NELL1: variants seen among roughly 807,000 people sequenced by gnomAD.
NELL1 encodes the protein neural EGFL like 1.
Under a neutral mutation model 107.4 loss-of-function variants are expected in NELL1, and 76 were observed. The observed-to-expected ratio is 0.71, with a 90% CI of 0.59 to 0.86. The LOEUF (loss-of-function observed/expected upper bound fraction) is 0.86. Ranked by LOEUF, NELL1 falls within the 40% of genes least tolerant of loss-of-function variation. The pLI, the probability that NELL1 is intolerant of heterozygous loss-of-function variation, is 0.00. For synonymous variants in NELL1, 353 were observed against 341.2 expected (o/e 1.03, Z -0.38); for missense variants, 1,024 against 1,005.5 (o/e 1.02, Z -0.25).
intron 12 of NELL1, among the ~76,000 whole-genome samples, chr11:21,072,890 C>T (rs1854049184): frequency 6.6e-6 from 1 of 152,174 alleles, no homozygotes; most frequent in Admixed American, 6.6e-5. Context: ...AGCAATACAG[C>T]TGTAGCCCAT....
chr11:21,375,724 A>T (rs1851459137), intron 15 of NELL1, among the ~76,000 whole-genome samples: 1 of 151,914 alleles, frequency 6.6e-6, no homozygotes, highest in Non-Finnish European at 1.5e-5. Flanking sequence ...TTGTTTTTTG[A>T]CTTTTTAATA....
chr11:20,799,858 C>G (rs1183994747), intron 3 of NELL1, among the ~76,000 whole-genome samples: 1 of 152,154 alleles, frequency 6.6e-6, no homozygotes, highest in Non-Finnish European at 1.5e-5. Flanking sequence ...ATCCCCCTCT[C>G]TCCTTCCTCC....
rs557194077 is a variant in NELL1 at position 21,507,390 on chromosome 11, A to G, written c.1646-26984A>G. On this transcript the variant is annotated intron_variant, in intron 15 of 19. Coordinates refer to ENST00000357134, the MANE Select transcript of NELL1 (RefSeq NM_006157.5). ...TTATTCTTTTACCAACTCAGGTCTC[A>G]ACAGGATCCTACAGATGTAGCCCCA... is the stretch of plus-strand genomic sequence containing the variant. Among the ~76,000 whole-genome samples, 16 of 152,336 alleles carry G rather than the reference A, an allele frequency of 1.1e-4. No individual in the cohort carries two copies. The South Asian group carries it at 2.7e-3, about 26-fold the overall frequency.
intron 12 of NELL1, among the ~76,000 whole-genome samples, chr11:21,047,913 A>G (rs1242663043): frequency 1.3e-5 from 2 of 152,286 alleles, no homozygotes; most frequent in East Asian, 1.9e-4. Flanking sequence ...TGTGCCAAAA[A>G]CTAGGTAACC....
intron 14 of NELL1, among the ~76,000 whole-genome samples, chr11:21,272,066 G>A (rs917002547): frequency 3.3e-5 from 5 of 152,184 alleles, no homozygotes; most frequent in African/African-American, 1.2e-4. Flanking sequence ...CAGGACAGTG[G>A]GTGCAGTGCA....
chr11:21,217,559 G>T (rs978326078), intron 13 of NELL1, among the ~76,000 whole-genome samples: 6 of 152,098 alleles, frequency 3.9e-5, no homozygotes, highest in Non-Finnish European at 7.4e-5. Flanking sequence ...GTAGGAGATG[G>T]AATGAGGAGA....
chr11:21,015,703 A>G (rs1405446985), intron 12 of NELL1, among the ~76,000 whole-genome samples: 2 of 151,384 alleles, frequency 1.3e-5, no homozygotes, highest in Non-Finnish European at 2.9e-5. Flanking sequence ...TTTCCCTCCC[A>G]CTAAGAATCA....
At chr11:21,256,855 T>A (rs1858782588) in intron 14 of NELL1, among the ~76,000 whole-genome samples, 1 of 151,906 alleles carries the variant, frequency 6.6e-6, no homozygotes, top group Admixed American at 6.6e-5. Context: ...TATAGGGCAA[T>A]GGGCAAGTGA....
chr11:21,282,522 A>G (rs1461770628), intron 14 of NELL1, among the ~76,000 whole-genome samples: 5 of 151,970 alleles, frequency 3.3e-5, no homozygotes, highest in East Asian at 1.9e-4. Context: ...AAGATCAGCA[A>G]TAAGATGCCG....
chr11:21,010,818 A>C (rs1852430426), intron 12 of NELL1, among the ~76,000 whole-genome samples: 1 of 152,118 alleles, frequency 6.6e-6, no homozygotes, highest in Non-Finnish European at 1.5e-5. Flanking sequence ...GAAAACAGCA[A>C]ACTGCCCTTA....
chr11:20,731,551 G>A (rs1308757926), intron 2 of NELL1, among the ~76,000 whole-genome samples: 2 of 152,258 alleles, frequency 1.3e-5, no homozygotes, highest in African/African-American at 4.8e-5. Flanking sequence ...CAATACCCAT[G>A]TGTCTGCATG....
intron 7 of NELL1, among the ~76,000 whole-genome samples, chr11:20,921,154 A>C (rs1250325816): frequency 6.6e-6 from 1 of 152,160 alleles, no homozygotes; most frequent in Non-Finnish European, 1.5e-5. Context: ...AATTTAAATT[A>C]TAACTATTGA....
At chr11:20,691,699 A>G (rs893122234) in intron 2 of NELL1, among the ~76,000 whole-genome samples, 2 of 151,832 alleles carry the variant, frequency 1.3e-5, no homozygotes, top group African/African-American at 4.9e-5. Flanking sequence ...TATTTTATTG[A>G]GGATTTTTGC....
At chr11:20,864,073 G>C (rs1037666028) in intron 4 of NELL1, among the ~76,000 whole-genome samples, 1 of 152,094 alleles carries the variant, frequency 6.6e-6, no homozygotes. Context: ...GCCCAGCCTC[G>C]GCTGGGCATC....
At chr11:20,990,963 CTCCTGGAT>C (rs149567755) in intron 12 of NELL1, among the ~76,000 whole-genome samples, 18,689 of 152,082 alleles carry the variant, frequency 0.12, 1,544 homozygotes, top group East Asian at 0.25. Context: ...GTGGTTTCCA[CTCCTGGAT>C]TCCACAGCTC....
intron 14 of NELL1, among the ~76,000 whole-genome samples, chr11:21,341,386 C>T (rs991731026): frequency 1.3e-5 from 2 of 152,092 alleles, no homozygotes; most frequent in African/African-American, 4.8e-5. Context: ...TCATATTTGG[C>T]GTATTCTGTA....
rs11822246 is a variant in NELL1 at position 21,438,741 on chromosome 11, A to G, written c.1645+67793A>G. On this transcript the variant is annotated intron_variant, in intron 15 of 19. Coordinates refer to ENST00000357134, the MANE Select transcript of NELL1 (RefSeq NM_006157.5). ...TTCTGCTTGTTTTAGACTACTGGTAAGGCTGTCAATTGTATTTTTATTTTC... is the reference window on the plus strand; with the variant it reads ...TTCTGCTTGTTTTAGACTACTGGTAGGGCTGTCAATTGTATTTTTATTTTC... 8.1e-3 allele frequency among the ~76,000 whole-genome samples: 1,237 copies of G among 151,874 alleles called. 16 individuals carry two copies. Among genetic ancestry groups the G allele is most frequent in the African/African-American group, 0.027 (1,122 of 41,460 alleles).
chr11:20,998,253 A>T (rs1469833511), intron 12 of NELL1, among the ~76,000 whole-genome samples: 1 of 152,150 alleles, frequency 6.6e-6, no homozygotes, highest in African/African-American at 2.4e-5. Flanking sequence ...TATTTAGTAA[A>T]TAGCCATGCA....
Position 21,088,059 on chromosome 11 carries a change from CTGTGTGTGTGTGTGTGTGTGTGTG to C in NELL1, c.1301-25506_1301-25483del, listed in dbSNP as rs56900585. ...TTGTTTTCTGTGAGTCCCAGTAGCT[CTGTGTGTGTGTGTGTGTGTGTGTG>C]TGTGTGTGTGTGTGTGTGTGTGTAT... On this transcript the variant is annotated intron_variant, in intron 12 of 19. Coordinates refer to ENST00000357134, the MANE Select transcript of NELL1 (RefSeq NM_006157.5). Among the ~76,000 whole-genome samples the C allele has an allele frequency of 2.2e-5, 3 of 136,068 alleles. No homozygotes were observed. In the Middle Eastern group the frequency reaches 0.011, roughly 497 times the overall value. The allele number at this position is 136,068 out of a possible 152,430, so 89.3% of individuals were successfully genotyped here. A position where few individuals can be genotyped will look rare whatever the true frequency, so the allele number is the denominator to read the frequency against.
Sources: gnomAD v4.1 joint callset for allele counts (sites outside exome capture counted in the v4.1 genomes callset) on GRCh38, gnomAD v4.1.1 for gene constraint, MANE v1.5 for transcripts, NCBI Gene and HGNC (gene_info 2026-07-23, HGNC 2026-07-21) for gene names.